The following NEK10 variants were observed in gnomAD, a reference collection of about 807,000 sequenced individuals.
NEK10 encodes the protein NIMA related kinase 10.
A neutral mutation model predicts 159.8 loss-of-function variants in NEK10; 122 were observed. That is an observed-to-expected ratio of 0.76 (90% confidence interval 0.66 to 0.89). NEK10 has a LOEUF of 0.89. NEK10 is among the 40% of genes least tolerant of loss of function. The probability of loss-of-function intolerance (pLI) is 0.00; values close to 1 mark genes in which losing one functional copy is unlikely to be tolerated. For synonymous variants in NEK10, 466 were observed against 457.1 expected, an observed-to-expected ratio of 1.02 and a Z score of -0.25; for missense variants, 1,342 against 1,323.1, an observed-to-expected ratio of 1.01 and a Z score of -0.22.
intron 32 of NEK10, among the ~76,000 whole-genome samples, chr3:27,131,484 A>G (rs1397623172): frequency 6.6e-6 from 1 of 152,216 alleles, no homozygotes; most frequent in Non-Finnish European, 1.5e-5. Flanking sequence ...GTCAGCTTTC[A>G]TAGATAATAA....
intron 29 of NEK10, among the ~76,000 whole-genome samples, chr3:27,168,679 T>C (rs1375022352): frequency 6.6e-6 from 1 of 152,230 alleles, no homozygotes; most frequent in Admixed American, 6.5e-5. Flanking sequence ...AGACAGCTTG[T>C]CTTAAACAAA....
chr3:27,249,768 G>A (rs928076969), intron 23 of NEK10, among the ~76,000 whole-genome samples: 2 of 152,066 alleles, frequency 1.3e-5, no homozygotes, highest in Admixed American at 6.6e-5. Flanking sequence ...TGTCATTTAT[G>A]TTTTCTGGTT....
intron 5 of NEK10, among the ~76,000 whole-genome samples, chr3:27,324,194 A>C (rs2045852674): frequency 6.6e-6 from 1 of 152,210 alleles, no homozygotes; most frequent in South Asian, 2.1e-4. Context: ...GCTGTCCCAC[A>C]TCCAGTTATA....
chr3:27,173,664 T>C (rs1947224968), intron 28 of NEK10, among the ~76,000 whole-genome samples: 1 of 152,214 alleles, frequency 6.6e-6, no homozygotes, highest in Non-Finnish European at 1.5e-5. Flanking sequence ...GAGATTTTCA[T>C]AGTATAGTCA....
At position 27,107,971 on chromosome 3, in the gene NEK10, T is replaced by C. The variant is rs1458918791; in HGVS notation, c.*3301A>G. On this transcript the variant is annotated 3_prime_UTR_variant, in exon 36 of 36. Transcript: ENST00000691995. ...AAAAGAGGAATGTGGGTTCTATGCA[T>C]ATTAATACTGATAAAATTCACTAGC... is the stretch of plus-strand genomic sequence containing the variant. Among the ~76,000 whole-genome samples, 1 of 152,224 alleles carries C rather than the reference T, an allele frequency of 6.6e-6. No individual in the cohort carries two copies. Among genetic ancestry groups the C allele is most frequent in the African/African-American group, 2.4e-5 (1 of 41,462 alleles).
At position 27,320,273 on chromosome 3, in the gene NEK10, A is replaced by T. The variant is rs13324850; in HGVS notation, c.447+1904T>A. On this transcript the variant is annotated intron_variant, in intron 6 of 35. Transcript: ENST00000691995. ...TGTTCAATCCACCCAGAATGAGATT[A>T]AAAAAGACAGAACTTCAGATGGGAG... Among the ~76,000 whole-genome samples, 846 of 152,320 alleles carry T rather than the reference A, an allele frequency of 5.6e-3. 8 individuals are homozygous for T. The highest frequency in any genetic ancestry group is 0.019 in the African/African-American group (804 of 41,572).
chr3:27,295,811 C>A, intron 14 of NEK10, 121 bp from the exon 15 acceptor site: 2 of 1,283,572 alleles, frequency 1.6e-6, no homozygotes, highest in Admixed American at 3.3e-5. Context: ...TAACTATGGA[C>A]CTTGAAGTAA....
chr3:27,330,142 CTG>C (rs35792096), intron 5 of NEK10, among the ~76,000 whole-genome samples: 98,726 of 151,850 alleles, frequency 0.65, 34,525 homozygotes, highest in East Asian at 0.87. Flanking sequence ...CAAGGGCTGA[CTG>C]TGCCTGTGTG....
At chr3:27,292,716 C>T (rs1169133256) in intron 16 of NEK10, among the ~76,000 whole-genome samples, 1 of 150,772 alleles carries the variant, frequency 6.6e-6, no homozygotes, top group East Asian at 2.0e-4. Flanking sequence ...TGCCTGTAGT[C>T]CCAGCTACTC....
intron 35 of NEK10, among the ~76,000 whole-genome samples, chr3:27,113,173 C>A (rs1380469493): frequency 1.3e-5 from 2 of 152,086 alleles, no homozygotes; most frequent in African/African-American, 4.8e-5. Flanking sequence ...GTGGATCATG[C>A]CTGTAATCCC....
chr3:27,364,114 C>T (rs1237007674), intron 1 of NEK10, among the ~76,000 whole-genome samples: 1 of 150,654 alleles, frequency 6.6e-6, no homozygotes, highest in East Asian at 2.0e-4. Flanking sequence ...AGAGTGCGGT[C>T]TCACTATGTC....
At chr3:27,331,262 A>AAAAAAAAAAAAAAAACC in intron 5 of NEK10, among the ~76,000 whole-genome samples, 1 of 110,082 alleles carries the variant, frequency 9.1e-6, no homozygotes, top group African/African-American at 2.9e-5. Flanking sequence ...AAAAAAAAAA[A>AAAAAAAAAAAAAAAACC]ACACACAAAC....
intron 32 of NEK10, among the ~76,000 whole-genome samples, chr3:27,120,549 C>T (rs984869532): frequency 1.3e-4 from 19 of 151,588 alleles, no homozygotes; most frequent in Admixed American, 8.6e-4. Context: ...AGGCTGGTCT[C>T]GAACTCCTGA....
chr3:27,115,136 T>C (rs913303581), intron 35 of NEK10, among the ~76,000 whole-genome samples: 2 of 152,162 alleles, frequency 1.3e-5, no homozygotes, highest in Non-Finnish European at 2.9e-5. Context: ...CTGATGGAGA[T>C]TGGAGGATAA....
At chr3:27,339,589 G>A (rs897249798) in intron 5 of NEK10, among the ~76,000 whole-genome samples, 3 of 152,030 alleles carry the variant, frequency 2.0e-5, no homozygotes, top group African/African-American at 7.2e-5. Flanking sequence ...GACCAGCCTG[G>A]CCAATATGAT....
At chr3:27,201,345 C>T (rs928300817) in intron 25 of NEK10, among the ~76,000 whole-genome samples, 165 bp downstream of exon 25, 1 of 152,198 alleles carries the variant, frequency 6.6e-6, no homozygotes, top group African/African-American at 2.4e-5. Flanking sequence ...ACTTAAGTAG[C>T]ATCCAAATAG....
intron 6 of NEK10, among the ~76,000 whole-genome samples, chr3:27,318,669 C>T (rs1234969533): frequency 6.6e-6 from 1 of 152,172 alleles, no homozygotes; most frequent in Non-Finnish European, 1.5e-5. Flanking sequence ...AATTTAGCAT[C>T]GTGTTGAAGA....
At chr3:27,113,918 C>G (rs1939991280) in intron 35 of NEK10, among the ~76,000 whole-genome samples, 1 of 152,160 alleles carries the variant, frequency 6.6e-6, no homozygotes, top group Non-Finnish European at 1.5e-5. Flanking sequence ...GATCCCAAGT[C>G]TCTGAGAAAA....
At chr3:27,322,506 C>T (rs2045720437) in intron 5 of NEK10, among the ~76,000 whole-genome samples, 1 of 152,154 alleles carries the variant, frequency 6.6e-6, no homozygotes, top group African/African-American at 2.4e-5. Flanking sequence ...CCCTTACTGA[C>T]TCAGTAATAT....
Sources: allele counts gnomAD v4.1 joint callset (sites outside exome capture counted in the v4.1 genomes callset), GRCh38; gene constraint gnomAD v4.1.1; transcripts MANE v1.5; gene names NCBI Gene and HGNC (gene_info 2026-07-23, HGNC 2026-07-21).